IMMP2L: variants seen among roughly 807,000 people sequenced by gnomAD.
IMMP2L encodes the protein inner mitochondrial membrane peptidase subunit 2, also known as mitochondrial inner membrane protease subunit 2.
A neutral mutation model predicts 19.3 loss-of-function variants in IMMP2L; 18 were observed. The observed-to-expected ratio is 0.93, with a 90% CI of 0.64 to 1.38. The LOEUF (loss-of-function observed/expected upper bound fraction) is 1.38. Among genes scored for constraint, IMMP2L ranks in the 40% most tolerant of loss-of-function variants. The pLI, the probability that IMMP2L is intolerant of heterozygous loss-of-function variation, is 0.00. For synonymous variants in IMMP2L, 76 were observed against 73.0 expected (o/e 1.04, Z -0.21); for missense variants, 233 against 218.2 (o/e 1.07, Z -0.43).
chr7:111,267,229 G>A (rs60873332), intron 3 of IMMP2L, among the ~76,000 whole-genome samples: 3,968 of 151,662 alleles, frequency 0.026, 175 homozygotes, highest in African/African-American at 0.091. Context: ...ATCAGAATAC[G>A]CATGGTCTCA....
chr7:111,183,150 GC>G (rs1433816059), intron 3 of IMMP2L, among the ~76,000 whole-genome samples: 1 of 152,002 alleles, frequency 6.6e-6, no homozygotes, highest in Non-Finnish European at 1.5e-5. Context: ...ACCCCATGAT[GC>G]CTGCAAACTG....
At chr7:111,122,290 A>C (rs551914069) in intron 3 of IMMP2L, 2 of 152,726 alleles carry the variant, frequency 1.3e-5, no homozygotes, top group Admixed American at 1.3e-4. Flanking sequence ...AAGTACTTAA[A>C]CTCTAAGAAT....
intron 3 of IMMP2L, among the ~76,000 whole-genome samples, chr7:111,024,701 C>T (rs1826640312): frequency 6.6e-6 from 1 of 152,160 alleles, no homozygotes; most frequent in Non-Finnish European, 1.5e-5. Context: ...CTTTCAATAA[C>T]TATCACACAT....
chr7:110,920,379 G>C (rs1408686005), intron 4 of IMMP2L, among the ~76,000 whole-genome samples: 1 of 152,296 alleles, frequency 6.6e-6, no homozygotes, highest in East Asian at 1.9e-4. Flanking sequence ...TGATGTACCA[G>C]GTGCCTATGG....
intron 1 of IMMP2L, among the ~76,000 whole-genome samples, chr7:111,535,588 C>G (rs1345107519): frequency 6.6e-6 from 1 of 152,100 alleles, no homozygotes; most frequent in African/African-American, 2.4e-5. Flanking sequence ...AGGGACTAAT[C>G]CAATTAACTT....
intron 3 of IMMP2L, among the ~76,000 whole-genome samples, chr7:111,078,949 C>T (rs1350995755): frequency 3.3e-5 from 5 of 151,870 alleles, no homozygotes; most frequent in African/African-American, 4.8e-5. Flanking sequence ...AGGCTGGTCT[C>T]GAACTCCTGA....
At chr7:110,868,189 A>AT (rs1443710232) in intron 5 of IMMP2L, among the ~76,000 whole-genome samples, 1 of 147,684 alleles carries the variant, frequency 6.8e-6, no homozygotes, top group Non-Finnish European at 1.5e-5. Flanking sequence ...AGCATGACGT[A>AT]TTAGATGAGC....
chr7:111,194,275 G>A (rs1220385468), intron 3 of IMMP2L, among the ~76,000 whole-genome samples: 1 of 152,116 alleles, frequency 6.6e-6, no homozygotes, highest in Non-Finnish European at 1.5e-5. Context: ...GATGAACTGA[G>A]TATTCATCCT....
chr7:110,865,554 C>A (rs1807897629), intron 5 of IMMP2L, among the ~76,000 whole-genome samples: 1 of 151,968 alleles, frequency 6.6e-6, no homozygotes, highest in Non-Finnish European at 1.5e-5. Context: ...ATCTTAGTAA[C>A]AGATGGTGGA....
intron 4 of IMMP2L, among the ~76,000 whole-genome samples, chr7:110,922,598 A>G (rs1814409966): frequency 6.6e-6 from 1 of 152,144 alleles, no homozygotes; most frequent in East Asian, 1.9e-4. Flanking sequence ...TAAATGCTTA[A>G]AGCCTTAAAA....
At chr7:111,193,214 A>T (rs1386356827) in intron 3 of IMMP2L, among the ~76,000 whole-genome samples, 4 of 152,166 alleles carry the variant, frequency 2.6e-5, no homozygotes, top group African/African-American at 7.2e-5. Context: ...ATGGGAAGAA[A>T]TTAAAATACA....
intron 3 of IMMP2L, among the ~76,000 whole-genome samples, chr7:111,061,039 T>G (rs1311501142): frequency 6.6e-6 from 1 of 152,222 alleles, no homozygotes; most frequent in Non-Finnish European, 1.5e-5. Flanking sequence ...AGACTTGCAA[T>G]AGAACAGTGT....
chr7:111,307,056 T>G (rs1822960339), intron 3 of IMMP2L, among the ~76,000 whole-genome samples: 1 of 150,344 alleles, frequency 6.7e-6, no homozygotes, highest in Non-Finnish European at 1.5e-5. Context: ...AGTCCTTAGT[T>G]TATCATTTCT....
At chr7:110,861,069 T>TTGTGTGTGTGTGTG (rs754363475) in intron 5 of IMMP2L, among the ~76,000 whole-genome samples, 48 of 129,104 alleles carry the variant, frequency 3.7e-4, no homozygotes, top group African/African-American at 1.3e-3. Flanking sequence ...CACCAGCAGT[T>TTGTGTGTGTGTGTG]TGTGTGTGTG....
At position 110,758,785 on chromosome 7, in the gene IMMP2L, C is replaced by T. The variant is rs552635814; in HGVS notation, c.409-95064G>A. On this transcript the variant is annotated intron_variant, in intron 5 of 5. Coordinates refer to ENST00000405709, the MANE Select transcript of IMMP2L (RefSeq NM_032549.4). The surrounding 1 kb of genome is among the most constrained non-coding windows in gnomAD (Gnocchi z 4.6). ...ACTTAGTTTGCCTTTAATTATAAAA[C>T]GTAGTAACTACTGGTCATTGCAGTG... Among the ~76,000 whole-genome samples the T allele has an allele frequency of 3.6e-4, 55 of 152,124 alleles. No homozygotes were observed. Among genetic ancestry groups the T allele is most frequent in the South Asian group, 1.0e-3 (5 of 4,822 alleles).
chr7:111,211,774 C>A (rs959608742), intron 3 of IMMP2L, among the ~76,000 whole-genome samples: 1 of 152,106 alleles, frequency 6.6e-6, no homozygotes, highest in African/African-American at 2.4e-5. Context: ...CTTTGGGAGG[C>A]CGAGGCAGGC....
At chr7:110,723,159 A>C (rs1795681516) in intron 5 of IMMP2L, among the ~76,000 whole-genome samples, 1 of 152,190 alleles carries the variant, frequency 6.6e-6, no homozygotes, top group Non-Finnish European at 1.5e-5. Flanking sequence ...GCTATAGTCT[A>C]AAACTTTGGT....
intron 3 of IMMP2L, among the ~76,000 whole-genome samples, chr7:111,133,171 G>C (rs375201928): frequency 3.9e-5 from 6 of 152,040 alleles, no homozygotes; most frequent in African/African-American, 7.2e-5. Flanking sequence ...TTAGCTACTA[G>C]AGATTCAACA....
chr7:110,805,569 A>G (rs1801578205), intron 5 of IMMP2L, among the ~76,000 whole-genome samples: 2 of 152,100 alleles, frequency 1.3e-5, no homozygotes, highest in Admixed American at 1.3e-4. Flanking sequence ...AACATTAAAA[A>G]ATTCTATGAT....
Sources: allele counts gnomAD v4.1 joint callset (sites outside exome capture counted in the v4.1 genomes callset), GRCh38; gene constraint gnomAD v4.1.1; non-coding constraint Gnocchi (gnomAD v3.1); transcripts MANE v1.5; gene names NCBI Gene and HGNC (gene_info 2026-07-23, HGNC 2026-07-21).